NDUFV2: variants seen among roughly 807,000 people sequenced by gnomAD.
NDUFV2 encodes NADH dehydrogenase [ubiquinone] flavoprotein 2, mitochondrial.
NDUFV2 carries 18 observed loss-of-function variants against 31.6 expected under a neutral mutation model. That is an observed-to-expected ratio of 0.57 (90% CI 0.39 to 0.84). The LOEUF (loss-of-function observed/expected upper bound fraction) is 0.84. Among genes scored for constraint, NDUFV2 ranks in the 40% least tolerant of loss-of-function variants. The pLI is 0.00. For synonymous variants in NDUFV2, 83 were observed against 99.8 expected (o/e 0.83, Z 1.01); for missense variants, 314 against 303.6 (o/e 1.03, Z -0.26).
At chr18:9,122,465 A>T in intron 4 of NDUFV2, 48 bp from the exon 5 acceptor site, 1 of 1,476,952 alleles carries the variant, frequency 6.8e-7, no homozygotes, top group Non-Finnish European at 9.5e-7. Flanking sequence ...TTAAAGCTCC[A>T]TTACTAACAC....
intron 6 of NDUFV2, 76 bp downstream of exon 6, chr18:9,125,059 C>A: frequency 2.7e-6 from 4 of 1,454,686 alleles, no homozygotes; most frequent in South Asian, 1.2e-5. Context: ...GATTTTGTGT[C>A]CTTAGATGTT....
chr18:9,109,560 AT>A (rs2077859338), intron 1 of NDUFV2, among the ~76,000 whole-genome samples: 3 of 152,372 alleles, frequency 2.0e-5, no homozygotes, highest in Admixed American at 2.0e-4. Context: ...TGGGGAGAAT[AT>A]AAAACTTTAA....
chr18:9,111,643 G>A (rs2077870670), intron 1 of NDUFV2, among the ~76,000 whole-genome samples: 1 of 151,838 alleles, frequency 6.6e-6, no homozygotes, highest in Admixed American at 6.6e-5. Context: ...TGGCTAGGCT[G>A]GTCTCGAACT....
chr18:9,129,895 T>C (rs929053326), intron 7 of NDUFV2, among the ~76,000 whole-genome samples: 1 of 152,214 alleles, frequency 6.6e-6, no homozygotes, highest in Non-Finnish European at 1.5e-5. Context: ...ATAGTTGCTA[T>C]GTGGAGATTA....
chr18:9,130,997 T>G (rs2078035382), intron 7 of NDUFV2, among the ~76,000 whole-genome samples: 1 of 152,240 alleles, frequency 6.6e-6, no homozygotes, highest in Admixed American at 6.5e-5. Context: ...GTTGAAGATC[T>G]GTGTGTAACT....
At chr18:9,123,411 GTAC>G (rs1281774196) in intron 5 of NDUFV2, among the ~76,000 whole-genome samples, 4 of 151,708 alleles carry the variant, frequency 2.6e-5, no homozygotes, top group Non-Finnish European at 5.9e-5. Flanking sequence ...ATATATAAAT[GTAC>G]TACATGTATG....
intron 7 of NDUFV2, chr18:9,132,527 C>T (rs894009474): frequency 6.6e-6 from 1 of 152,076 alleles, no homozygotes; most frequent in Non-Finnish European, 1.5e-5. Context: ...AAAGTTTCTC[C>T]AAAATAATTT....
chr18:9,107,018 G>A (rs1301463659), intron 1 of NDUFV2, among the ~76,000 whole-genome samples: 3 of 151,788 alleles, frequency 2.0e-5, no homozygotes, highest in South Asian at 2.1e-4. Flanking sequence ...TTTTAAGGTC[G>A]GCTGATTAGC....
At chr18:9,123,340 TATAA>T (rs1419723926) in intron 5 of NDUFV2, among the ~76,000 whole-genome samples, 1 of 152,072 alleles carries the variant, frequency 6.6e-6, no homozygotes, top group Non-Finnish European at 1.5e-5. Context: ...ACCATCAAGG[TATAA>T]ATCCTGATAA....
At chr18:9,104,758 G>A (rs2077833139) in intron 1 of NDUFV2, among the ~76,000 whole-genome samples, 1 of 139,966 alleles carries the variant, frequency 7.1e-6, no homozygotes, top group East Asian at 2.1e-4. Context: ...TACCTGATAT[G>A]CACTATGTAC....
At chr18:9,111,724 C>T (rs117441681) in intron 1 of NDUFV2, among the ~76,000 whole-genome samples, 9 of 151,984 alleles carry the variant, frequency 5.9e-5, no homozygotes, top group East Asian at 5.8e-4. Flanking sequence ...CTACTGTGCC[C>T]GGCCTGAAGT....
intron 1 of NDUFV2, chr18:9,104,992 T>C: frequency 6.5e-7 from 1 of 1,530,678 alleles, no homozygotes; most frequent in Non-Finnish European, 8.9e-7. Context: ...ATTTATACTG[T>C]TTGGTAGCCT....
chr18:9,103,404 G>T, intron 1 of NDUFV2: 1 of 341,602 alleles, frequency 2.9e-6, no homozygotes, highest in Non-Finnish European at 5.2e-6. Flanking sequence ...GAGATTAAAT[G>T]ATCTTTTTGA....
chr18:9,107,609 G>A (rs1488330942), intron 1 of NDUFV2, among the ~76,000 whole-genome samples: 1 of 152,212 alleles, frequency 6.6e-6, no homozygotes, highest in Non-Finnish European at 1.5e-5. Context: ...AGATCACACA[G>A]TAGTAAGGGC....
chr18:9,115,059 GA>G (rs1270497401), intron 1 of NDUFV2, among the ~76,000 whole-genome samples: 1 of 152,194 alleles, frequency 6.6e-6, no homozygotes, highest in African/African-American at 2.4e-5. Context: ...GTTAGAAGGA[GA>G]AATAGGTTTT....
At chr18:9,108,050 T>G (rs1568186421) in intron 1 of NDUFV2, among the ~76,000 whole-genome samples, 1 of 152,180 alleles carries the variant, frequency 6.6e-6, no homozygotes, top group Non-Finnish European at 1.5e-5. Context: ...AACAATTGGT[T>G]GTTGCTTATA....
intron 1 of NDUFV2, among the ~76,000 whole-genome samples, chr18:9,109,431 TAATGCA>T (rs1442721876): frequency 1.3e-5 from 2 of 152,374 alleles, no homozygotes; most frequent in Non-Finnish European, 2.9e-5. Context: ...GATGCATTTA[TAATGCA>T]AATGTCTGAT....
intron 1 of NDUFV2, among the ~76,000 whole-genome samples, chr18:9,116,586 A>G (rs2144738415): frequency 6.6e-6 from 1 of 152,290 alleles, no homozygotes; most frequent in South Asian, 2.1e-4. Flanking sequence ...TGAAATTGAT[A>G]TTTATCACTC....
In NDUFV2 at chr18:9,104,908, T is replaced by TA. The variant is rs1376599599; in HGVS notation, c.54+2112dup. The TA allele has an allele frequency of 3.4e-6, 5 of 1,487,952 alleles. No homozygotes were observed. In the African/African-American group the frequency reaches 6.9e-5, roughly 21 times the overall value. 92.2% of individuals were successfully genotyped at this position (1,487,952 alleles called of 1,614,324 possible). ...TCCATTGTCTTGTCAACCTGGAAAT[T>TA]ACCATTGTTAACATTTTGATGTCTA... On this transcript the variant is annotated intron_variant, in intron 1 of 7. Transcript: ENST00000318388.
Sources: allele counts gnomAD v4.1 joint callset (sites outside exome capture counted in the v4.1 genomes callset), GRCh38; gene constraint gnomAD v4.1.1; transcripts MANE v1.5; gene names NCBI Gene and HGNC (gene_info 2026-07-23, HGNC 2026-07-21).